The following CSMD1 variants were observed in gnomAD, a reference collection of about 807,000 sequenced individuals.
CSMD1 encodes the protein CUB and Sushi multiple domains 1, also known as CUB and sushi domain-containing protein 1.
A neutral mutation model predicts 417.5 loss-of-function variants in CSMD1; 213 were observed. The ratio of observed to expected loss-of-function variants is 0.51; its 90% CI spans 0.46 to 0.57. The LOEUF is 0.57. Ranked by LOEUF, CSMD1 falls within the 20% of genes least tolerant of loss-of-function variation. The pLI, the probability that CSMD1 is intolerant of heterozygous loss-of-function variation, is 0.00. For missense variants in CSMD1, 6,923 were observed against 4,529.7 expected (o/e 1.53, Z -15.17); for synonymous variants, 2,862 against 1,736.8 (o/e 1.65, Z -16.11).
intron 1 of CSMD1, among the ~76,000 whole-genome samples, chr8:4,860,909 T>C (rs1382619413): frequency 6.6e-6 from 1 of 152,062 alleles, no homozygotes; most frequent in Non-Finnish European, 1.5e-5. Flanking sequence ...CTCTACATAG[T>C]GAATCTCTGT....
rs530824359 is a variant in CSMD1, at chr8:3,306,134, C to G, written c.3950+1561G>C. 2.0e-5 allele frequency among the ~76,000 whole-genome samples: 3 copies of G among 152,206 alleles called. No homozygotes were observed. In the East Asian group the frequency reaches 5.8e-4, roughly 29 times the overall value. ...ATGCATTTTCCTCACTCCACTTCAT[C>G]CCATTTTATTTTTGTTAAGTTATAG... is the stretch of plus-strand genomic sequence containing the variant. On this transcript the variant is annotated intron_variant, in intron 25 of 69. Transcript: ENST00000635120.
intron 53 of CSMD1, among the ~76,000 whole-genome samples, chr8:2,999,024 G>A (rs1321784753): frequency 6.6e-6 from 1 of 152,078 alleles, no homozygotes; most frequent in African/African-American, 2.4e-5. Context: ...TTGGTTTAAG[G>A]GAAATTGGGC....
intron 1 of CSMD1, among the ~76,000 whole-genome samples, chr8:4,832,857 G>T (rs1462946613): frequency 6.6e-6 from 1 of 152,128 alleles, no homozygotes; most frequent in Non-Finnish European, 1.5e-5. Context: ...GCATGTGTGT[G>T]AGGGCGTATG....
At chr8:3,560,006 C>T (rs1339717463) in intron 10 of CSMD1, among the ~76,000 whole-genome samples, 1 of 151,982 alleles carries the variant, frequency 6.6e-6, no homozygotes, top group Non-Finnish European at 1.5e-5. Flanking sequence ...AGATGAGTGG[C>T]CAGCGTAAGG....
chr8:3,687,214 C>G (rs1018752145), intron 7 of CSMD1, among the ~76,000 whole-genome samples: 12 of 152,218 alleles, frequency 7.9e-5, no homozygotes, highest in Non-Finnish European at 1.3e-4. Flanking sequence ...TTGGTTTGCC[C>G]AGGGCAGGTC....
chr8:4,055,387 T>G (rs929266605), intron 3 of CSMD1, among the ~76,000 whole-genome samples: 2 of 152,066 alleles, frequency 1.3e-5, no homozygotes, highest in Non-Finnish European at 2.9e-5. Flanking sequence ...ACTTACTAAG[T>G]GATTAATCCA....
chr8:3,570,704 G>C (rs1023681466), intron 10 of CSMD1, among the ~76,000 whole-genome samples: 1 of 152,130 alleles, frequency 6.6e-6, no homozygotes, highest in Admixed American at 6.5e-5. Flanking sequence ...TGGCTCTTCT[G>C]TTAGTTACAG....
chr8:3,179,243 C>T (rs904686826), intron 37 of CSMD1, among the ~76,000 whole-genome samples: 2 of 152,052 alleles, frequency 1.3e-5, no homozygotes, highest in Non-Finnish European at 2.9e-5. Context: ...CCGCGCCCAG[C>T]CTATAATCTA....
At chr8:3,134,222 G>A (rs1485178142) in intron 41 of CSMD1, among the ~76,000 whole-genome samples, 2 of 152,066 alleles carry the variant, frequency 1.3e-5, no homozygotes, top group African/African-American at 4.8e-5. Context: ...AGAAAAGAAA[G>A]AAAGAGCTCT....
At chr8:3,440,589 C>T (rs1814912014) in intron 12 of CSMD1, among the ~76,000 whole-genome samples, 1 of 152,152 alleles carries the variant, frequency 6.6e-6, no homozygotes, top group African/African-American at 2.4e-5. Flanking sequence ...ACGTTACTTG[C>T]AAGTAGAGTC....
At chr8:4,733,778 C>A (rs934999948) in intron 1 of CSMD1, among the ~76,000 whole-genome samples, 1 of 152,112 alleles carries the variant, frequency 6.6e-6, no homozygotes. Flanking sequence ...TTAACAACAA[C>A]GACAAAATCC....
intron 2 of CSMD1, among the ~76,000 whole-genome samples, chr8:4,634,259 A>T (rs1263562363): frequency 6.6e-6 from 1 of 152,180 alleles, no homozygotes; most frequent in African/African-American, 2.4e-5. Context: ...AAATGTTTTT[A>T]CATATGTAAA....
chr8:4,343,547 A>G (rs1159071435), intron 3 of CSMD1, among the ~76,000 whole-genome samples: 1 of 152,160 alleles, frequency 6.6e-6, no homozygotes, highest in Admixed American at 6.6e-5. Flanking sequence ...ATACAATGTT[A>G]CTTGTCAATT....
At chr8:4,539,552 T>A (rs1011343734) in intron 2 of CSMD1, among the ~76,000 whole-genome samples, 1 of 152,200 alleles carries the variant, frequency 6.6e-6, no homozygotes, top group Non-Finnish European at 1.5e-5. Context: ...TTTAGCAAAC[T>A]TCCAACATTT....
intron 2 of CSMD1, among the ~76,000 whole-genome samples, chr8:4,616,136 TTG>T (rs910506193): frequency 1.3e-5 from 2 of 152,186 alleles, no homozygotes; most frequent in African/African-American, 4.8e-5. Flanking sequence ...ACTCCCTTTG[TTG>T]TGATAAAAAT....
intron 5 of CSMD1, among the ~76,000 whole-genome samples, chr8:3,818,863 G>A (rs890140558): frequency 6.6e-6 from 1 of 152,152 alleles, no homozygotes; most frequent in Admixed American, 6.5e-5. Flanking sequence ...TGATTTAACA[G>A]CCTTGCTCAC....
chr8:3,504,441 G>A (rs867018352), intron 10 of CSMD1, among the ~76,000 whole-genome samples: 30 of 152,126 alleles, frequency 2.0e-4, no homozygotes, highest in African/African-American at 7.2e-4. Context: ...AGCAAGGTGT[G>A]TACTTCTTCT....
At position 3,508,121 on chromosome 8, in the gene CSMD1, T is replaced by C. The variant is rs967863068; in HGVS notation, c.1345-14395A>G. On this transcript the variant is annotated intron_variant, in intron 10 of 69. Coordinates refer to ENST00000635120, the MANE Select transcript of CSMD1 (RefSeq NM_033225.6). ...GAATGGTATTGCCTAGGTTTCCTTC[T>C]AGACAAAAAACCAAACACCACATGT... Among the ~76,000 whole-genome samples, 7 of 152,174 alleles carry C rather than the reference T, an allele frequency of 4.6e-5. No homozygotes were observed. The East Asian group carries it at 9.6e-4, about 21-fold the overall frequency.
At chr8:4,302,822 G>A (rs62478625) in intron 3 of CSMD1, among the ~76,000 whole-genome samples, 1 of 152,080 alleles carries the variant, frequency 6.6e-6, no homozygotes, top group Non-Finnish European at 1.5e-5. Flanking sequence ...AAGTCACAGG[G>A]TCCTAGTGAC....
Sources: allele counts gnomAD v4.1 joint callset (sites outside exome capture counted in the v4.1 genomes callset), GRCh38; gene constraint gnomAD v4.1.1; transcripts MANE v1.5; gene names NCBI Gene and HGNC (gene_info 2026-07-23, HGNC 2026-07-21).